The following UNC79 variants were observed in gnomAD, a reference collection of about 807,000 sequenced individuals.
The protein encoded by UNC79 is protein unc-79 homolog.
UNC79 carries 37 observed loss-of-function variants against 283.1 expected under a neutral mutation model. The ratio of observed to expected loss-of-function variants is 0.13; its 90% CI spans 0.10 to 0.17. The LOEUF (loss-of-function observed/expected upper bound fraction) is 0.17, where lower values mean the gene tolerates loss of function less well. Among genes scored for constraint, UNC79 ranks in the 10% least tolerant of loss-of-function variants. The probability of loss-of-function intolerance (pLI) is 1.00; values close to 1 mark genes in which losing one functional copy is unlikely to be tolerated. For missense variants in UNC79, 2,272 were observed against 3,211.1 expected (o/e 0.71, Z 7.07); for synonymous variants, 1,107 against 1,200.2 (o/e 0.92, Z 1.61).
intron 1 of UNC79, among the ~76,000 whole-genome samples, chr14:93,348,933 G>A (rs1191078785): frequency 6.6e-6 from 1 of 152,222 alleles, no homozygotes; most frequent in Non-Finnish European, 1.5e-5. Context: ...GCAACCCGCT[G>A]GGGTCCCCTT....
At chr14:93,697,008 A>G (rs775900826) in intron 47 of UNC79, among the ~76,000 whole-genome samples, 4 of 152,210 alleles carry the variant, frequency 2.6e-5, no homozygotes, top group Non-Finnish European at 5.9e-5. Context: ...TTATTCCAGC[A>G]TCATTGTTAA....
chr14:93,517,832 C>T (rs2060138267), intron 7 of UNC79, among the ~76,000 whole-genome samples: 1 of 151,820 alleles, frequency 6.6e-6, no homozygotes, highest in African/African-American at 2.4e-5. Flanking sequence ...GACCAACATT[C>T]CCCAAATTCT....
chr14:93,359,005 G>C (rs1452155166), intron 1 of UNC79, among the ~76,000 whole-genome samples: 9 of 152,214 alleles, frequency 5.9e-5, no homozygotes, highest in Admixed American at 2.6e-4. Flanking sequence ...CAGAAATCTG[G>C]AGAACAGGCA....
At chr14:93,569,626 C>G (rs1274456673) in intron 14 of UNC79, among the ~76,000 whole-genome samples, 1 of 152,148 alleles carries the variant, frequency 6.6e-6, no homozygotes, top group Non-Finnish European at 1.5e-5. Flanking sequence ...ACAGGAAATT[C>G]TCCCAGCAGT....
At chr14:93,424,539 T>G (rs1472969931) in intron 1 of UNC79, among the ~76,000 whole-genome samples, 1 of 152,128 alleles carries the variant, frequency 6.6e-6, no homozygotes, top group East Asian at 1.9e-4. Context: ...TAAAAAAGAA[T>G]GAGATCCTGC....
chr14:93,385,992 A>G (rs1230563227), intron 1 of UNC79, among the ~76,000 whole-genome samples: 2 of 152,194 alleles, frequency 1.3e-5, no homozygotes, highest in East Asian at 3.9e-4. Context: ...TGCTCTAACT[A>G]TAACTTTTAG....
intron 1 of UNC79, among the ~76,000 whole-genome samples, chr14:93,352,656 A>G (rs532727697): frequency 1.3e-5 from 2 of 152,304 alleles, no homozygotes; most frequent in Non-Finnish European, 2.9e-5. Context: ...CTGAACTCCT[A>G]GGGGAAATTC....
chr14:93,652,544 G>A (rs117018190), intron 35 of UNC79, among the ~76,000 whole-genome samples: 2 of 152,236 alleles, frequency 1.3e-5, no homozygotes, highest in Non-Finnish European at 1.5e-5. Flanking sequence ...ACAGGCGATA[G>A]TCACTGTGCC....
chr14:93,609,409 T>A (rs1359470609), intron 26 of UNC79, among the ~76,000 whole-genome samples: 1 of 152,168 alleles, frequency 6.6e-6, no homozygotes, highest in East Asian at 1.9e-4. Flanking sequence ...GAATAAATAA[T>A]GCTGTATTAC....
chr14:93,540,707 T>G, exon 13 of UNC79: 1 of 1,613,910 alleles, frequency 6.2e-7, no homozygotes, highest in Non-Finnish European at 8.5e-7. Flanking sequence ...GAACATGAGC[T>G]GAACCGGCGG....
chr14:93,360,258 T>C (rs1026023839), intron 1 of UNC79, among the ~76,000 whole-genome samples: 1 of 152,170 alleles, frequency 6.6e-6, no homozygotes, highest in African/African-American at 2.4e-5. Flanking sequence ...GAGCTGCCTC[T>C]ACCTAGGAAA....
At chr14:93,685,316 T>C (rs999542508) in intron 42 of UNC79, among the ~76,000 whole-genome samples, 1 of 152,208 alleles carries the variant, frequency 6.6e-6, no homozygotes, top group African/African-American at 2.4e-5. Flanking sequence ...CCTATTTGCA[T>C]GACATGTGAA....
intron 46 of UNC79, 23 bp downstream of exon 49, chr14:93,691,969 C>T (rs781273681): frequency 1.5e-5 from 24 of 1,611,814 alleles, no homozygotes; most frequent in Non-Finnish European, 2.0e-5. Context: ...ACGAGTTTCC[C>T]TTCTGAGATG....
intron 1 of UNC79, among the ~76,000 whole-genome samples, chr14:93,345,242 T>C (rs1446473131): frequency 6.6e-6 from 1 of 152,164 alleles, no homozygotes; most frequent in Non-Finnish European, 1.5e-5. Context: ...CTGTAAGAAA[T>C]ACATTTCCGT....
At chr14:93,622,278 C>T in exon 30 of UNC79, 1 of 1,614,208 alleles carries the variant, frequency 6.2e-7, no homozygotes, top group Non-Finnish European at 8.5e-7. Context: ...CTGAGCACAG[C>T]TCCGCTTGTA....
At chr14:93,559,756 TCTTCA>T in intron 14 of UNC79, among the ~76,000 whole-genome samples, 1 of 152,322 alleles carries the variant, frequency 6.6e-6, no homozygotes, top group South Asian at 2.1e-4. Flanking sequence ...CTTTTGTGAT[TCTTCA>T]CTTTCTTCGG....
chr14:93,630,925 T>C lies in UNC79; in HGVS notation c.5716+17T>C, dbSNP rs749274073. 5 of 1,604,086 alleles carry C rather than the reference T, an allele frequency of 3.1e-6. No individual in the cohort carries two copies. Among genetic ancestry groups the C allele is most frequent in the African/African-American group, 2.7e-5 (2 of 74,748 alleles). ...CAATATCAAGTAAGATTTCCTCTGC[T>C]GATTATTTCATCTATGCATTTATTT... On this transcript the variant is annotated intron_variant, in intron 31 of 48. Coordinates refer to ENST00000555664, the Ensembl canonical transcript of UNC79.
At chr14:93,389,395 C>A (rs947073678) in intron 1 of UNC79, among the ~76,000 whole-genome samples, 4 of 152,178 alleles carry the variant, frequency 2.6e-5, no homozygotes, top group African/African-American at 9.7e-5. Context: ...GTCCAACAGG[C>A]AGTCCCAGAC....
At chr14:93,509,816 T>C (rs1281208690) in intron 7 of UNC79, among the ~76,000 whole-genome samples, 4 of 152,166 alleles carry the variant, frequency 2.6e-5, no homozygotes, top group African/African-American at 4.8e-5. Flanking sequence ...TCTACCATTC[T>C]GGGGTCTGGG....
Sources: allele counts gnomAD v4.1 joint callset (sites outside exome capture counted in the v4.1 genomes callset), GRCh38; gene constraint gnomAD v4.1.1; transcripts MANE v1.5; gene names NCBI Gene and HGNC (gene_info 2026-07-23, HGNC 2026-07-21).